Variants in GPS1 observed in about 807,000 individuals in gnomAD.
The protein encoded by GPS1 is G protein pathway suppressor 1.
A neutral mutation model predicts 60.0 loss-of-function variants in GPS1; 11 were observed. That is an observed-to-expected ratio of 0.18 (90% CI 0.12 to 0.30). The LOEUF (loss-of-function observed/expected upper bound fraction) is 0.30, where lower values mean the gene tolerates loss of function less well. Ranked by LOEUF, GPS1 falls within the 10% of genes least tolerant of loss-of-function variation. The pLI is 1.00. For synonymous variants in GPS1, 343 were observed against 269.8 expected, an observed-to-expected ratio of 1.27 and a Z score of -2.66; for missense variants, 543 against 669.2, an observed-to-expected ratio of 0.81 and a Z score of 2.08.
Position 82,055,381 on chromosome 17 carries a change from G to A in GPS1, c.748+159G>A, listed in dbSNP as rs2032340899. On this transcript the variant is annotated intron_variant, in intron 6 of 12. Transcript: ENST00000578552. ...TGTACAGGTGTAGGTGGTGCCTAAA[G>A]TCTGCCCCGGGGAAGCCAGTGGGTG... The A allele has an allele frequency of 5.2e-6, 4 of 763,440 alleles. No individual in the cohort carries two copies. In the East Asian group the frequency reaches 1.1e-4, roughly 21 times the overall value. The allele number at this position is 763,440 out of a possible 1,614,324, so 47.3% of individuals were successfully genotyped here. A position where few individuals can be genotyped will look rare whatever the true frequency, so the allele number is the denominator to read the frequency against.
intron 2 of GPS1, 100 bp downstream of exon 2, chr17:82,053,466 C>A (rs2031597989): frequency 1.2e-6 from 1 of 855,162 alleles, no homozygotes; most frequent in South Asian, 2.8e-5. Flanking sequence ...AATGATCCTC[C>A]TCAGTGATCG....
At chr17:82,055,366 T>C (rs1428633540) in intron 6 of GPS1, 144 bp downstream of exon 6, 2 of 824,482 alleles carry the variant, frequency 2.4e-6, no homozygotes, top group Non-Finnish European at 4.1e-6. Context: ...TGTACAGGTG[T>C]AGGTGGTGCC....
chr17:82,053,192 G>A (rs1176825685), intron 1 of GPS1, 82 bp from the exon 2 acceptor site: 2 of 1,120,090 alleles, frequency 1.8e-6, no homozygotes, highest in Non-Finnish European at 2.4e-6. Context: ...GGGCAGAGCT[G>A]ACCTCAGAGA....
In GPS1 at chr17:82,056,721, A is replaced by C. The variant is rs1279124104; in HGVS notation, c.1209A>C (p.Leu403=). The change falls in exon 11 of 13, where the codon CTA becomes CTC. Residue 403 remains leucine (L), a synonymous_variant. Transcript: ENST00000578552. ...CCCTGGAGGACGAGCTGACGCAGCTAATCCTGGAGGGGCTGATCAGTGCCC... is the reference window on the plus strand; with the variant it reads ...CCCTGGAGGACGAGCTGACGCAGCTCATCCTGGAGGGGCTGATCAGTGCCC... The part of the protein sequence containing the change: ...VAALEDELTQ[L]ILEGLISARV... The C allele has an allele frequency of 6.3e-7, 1 of 1,589,424 alleles. No homozygotes were observed. Among genetic ancestry groups the C allele is most frequent in the Non-Finnish European group, 8.6e-7 (1 of 1,166,918 alleles).
chr17:82,053,543 C>G (rs971477994), intron 2 of GPS1, 177 bp downstream of exon 2: 2 of 536,402 alleles, frequency 3.7e-6, no homozygotes, highest in African/African-American at 2.0e-5. Context: ...AGGCTTGTAG[C>G]TCAGCTTCAG....
At chr17:82,051,278 A>AG (rs770204364), upstream of GPS1, 12 of 1,358,870 alleles carry the variant, frequency 8.8e-6, no homozygotes, top group Admixed American at 3.4e-5. This position sits in a 1 kb window ranked among gnomAD's most constrained non-coding sequence, Gnocchi z 4.1. Flanking sequence ...GGCGCCGGGG[A>AG]GTGGGGGACA....
At position 82,057,190 on chromosome 17, in the gene GPS1, C is replaced by G; in HGVS notation, c.*63C>G. On this transcript the variant is annotated 3_prime_UTR_variant, in exon 13 of 13. Transcript: ENST00000578552. ...CCCCACCTCCACGGACCTCGGACCTCCAGGCGGCTCAGTGCTGCCTGCGGC... is the reference window on the plus strand; with the variant it reads ...CCCCACCTCCACGGACCTCGGACCTGCAGGCGGCTCAGTGCTGCCTGCGGC... 1.3e-6 allele frequency: 2 copies of G among 1,578,080 alleles called. No individual in the cohort carries two copies. The highest frequency in any genetic ancestry group is 1.7e-6 in the Non-Finnish European group (2 of 1,156,552).
chr17:82,052,780 T>C (rs959492325), intron 1 of GPS1: 6 of 393,386 alleles, frequency 1.5e-5, no homozygotes, highest in African/African-American at 1.0e-4. Flanking sequence ...AGATGACTCT[T>C]TTCCCCTTCT....
Position 82,054,098 on chromosome 17 carries a change from C to T in GPS1, c.308+49C>T, listed in dbSNP as rs368358793. On this transcript the variant is annotated intron_variant, in intron 3 of 12. Coordinates refer to ENST00000578552, the MANE Select transcript of GPS1 (RefSeq NM_001321092.3). ...GGAAGCAGAGGCCACCAAGGGAGCG[C>T]GGGTGTCTGGGACTGGGCCCCCTTC... 2.0e-5 allele frequency: 31 copies of T among 1,545,896 alleles called. No homozygotes were observed. The African/African-American group carries it at 2.0e-4, about 10-fold the overall frequency.
rs1416432884 is a variant in GPS1 at position 82,056,874 on chromosome 17, C to G, written c.1289C>G (p.Thr430Ser). 1 of 1,612,856 alleles carries G rather than the reference C, an allele frequency of 6.2e-7. No individual in the cohort carries two copies. Among genetic ancestry groups the G allele is most frequent in the Non-Finnish European group, 8.5e-7 (1 of 1,179,930 alleles). The change falls in exon 12 of 13, where the codon ACC becomes AGC. Residue 430 changes from threonine (T) to serine (S), a missense_variant. By Grantham distance (58) the Thr-to-Ser change is moderately conservative. Transcript: ENST00000578552. ...GCCCGGGACGTGGATCAGCGCAGCACCACCTTTGAGAAGTCTCTGTTGATG... is the reference window on the plus strand; with the variant it reads ...GCCCGGGACGTGGATCAGCGCAGCAGCACCTTTGAGAAGTCTCTGTTGATG... ...LYARDVDQRSTTFEKSLLMGK... is the reference protein window; with the variant it reads ...LYARDVDQRSSTFEKSLLMGK...
At chr17:82,053,764 G>A (rs1435946133) in intron 2 of GPS1, 104 bp from the exon 3 acceptor site, 36 of 1,177,890 alleles carry the variant, frequency 3.1e-5, no homozygotes, top group East Asian at 5.0e-5. Context: ...GGCCCAGGGC[G>A]ACATTCTGGC....
chr17:82,051,751 C>A, upstream of GPS1: 3 of 1,086,286 alleles, frequency 2.8e-6, no homozygotes, highest in South Asian at 4.3e-5. This position sits in a 1 kb window ranked among gnomAD's most constrained non-coding sequence, Gnocchi z 4.1. Flanking sequence ...CACAGCGCCC[C>A]ACGCGCGCGG....
At chr17:82,055,664 C>T (rs2032450606) in intron 6 of GPS1, 76 bp from the exon 7 acceptor site, 6 of 1,032,292 alleles carry the variant, frequency 5.8e-6, no homozygotes, top group Non-Finnish European at 7.3e-6. Flanking sequence ...CCCTGGTTTC[C>T]AGGCGTTAGC....
At chr17:82,052,211 A>C in intron 1 of GPS1, 154 of 1,404,480 alleles carry the variant, frequency 1.1e-4, no homozygotes, top group East Asian at 2.1e-4. Flanking sequence ...AGCTCACGGG[A>C]GAGGTTCCCG....
At chr17:82,052,551 C>A in intron 1 of GPS1, 3 of 1,449,240 alleles carry the variant, frequency 2.1e-6, no homozygotes, top group East Asian at 2.4e-5. Context: ...GCTCTGCTGG[C>A]CGAGGACAGG....
Position 82,057,440 on chromosome 17 carries a change from G to A in GPS1, c.*313G>A. ...GCCTCAGTCAGGTGCAGACAAGTGGGCGGTGTCCATTAAAGAGCAGACTCA... is the reference window on the plus strand; with the variant it reads ...GCCTCAGTCAGGTGCAGACAAGTGGACGGTGTCCATTAAAGAGCAGACTCA... On this transcript the variant is annotated 3_prime_UTR_variant, in exon 13 of 13. Coordinates refer to ENST00000578552, the MANE Select transcript of GPS1 (RefSeq NM_001321092.3). 1.8e-6 allele frequency: 1 copy of A among 567,714 alleles called. No homozygotes were observed. The highest frequency in any genetic ancestry group is 2.7e-4 in the Middle Eastern group (1 of 3,734). 35.2% of individuals were successfully genotyped at this position (567,714 alleles called of 1,614,324 possible).
intron 3 of GPS1, chr17:82,054,289 C>T: frequency 2.6e-6 from 2 of 760,284 alleles, no homozygotes; most frequent in South Asian, 2.0e-5. Flanking sequence ...TCAGGGGCCG[C>T]CTCCCTGCTG....
chr17:82,056,454 C>T lies in GPS1; in HGVS notation c.1036-16C>T. 1 of 1,613,108 alleles carries T rather than the reference C, an allele frequency of 6.2e-7. No homozygotes were observed. Among genetic ancestry groups the T allele is most frequent in the African/African-American group, 1.3e-5 (1 of 75,014 alleles). ...GCCTGGCCTCCTGTCCTGGTCCTGA[C>T]CAGCCCCTTCCCCAGGACAACCTGC... On this transcript the variant is annotated splice_polypyrimidine_tract_variant and intron_variant, in intron 9 of 12. Coordinates refer to ENST00000578552, the MANE Select transcript of GPS1 (RefSeq NM_001321092.3).
chr17:82,053,629 A>G (rs897912692), intron 2 of GPS1: 26 of 552,130 alleles, frequency 4.7e-5, no homozygotes, highest in Non-Finnish European at 7.6e-5. Context: ...GTGGGTGTCT[A>G]TCCCCGAAAG....
Sources: gnomAD v4.1 joint callset for allele counts on GRCh38, gnomAD v4.1.1 for gene constraint, Gnocchi (gnomAD v3.1) non-coding constraint, MANE v1.5 for transcripts, NCBI Gene and HGNC (gene_info 2026-07-23, HGNC 2026-07-21) for gene names.